Variants in UBAC2 observed in about 807,000 individuals in gnomAD.
The protein encoded by UBAC2 is UBA domain containing 2, also known as ubiquitin-associated domain-containing protein 2.
In UBAC2, 26 loss-of-function variants were observed where a neutral mutation model predicts 44.0. The ratio of observed to expected loss-of-function variants is 0.59; its 90% confidence interval spans 0.43 to 0.82. The LOEUF (loss-of-function observed/expected upper bound fraction) is 0.82, where lower values mean the gene tolerates loss of function less well. Among genes scored for constraint, UBAC2 ranks in the 40% least tolerant of loss-of-function variants. UBAC2 has a pLI of 0.00. For missense variants in UBAC2, 329 were observed against 419.4 expected (o/e 0.78, Z 1.88); for synonymous variants, 155 against 154.3 (o/e 1.00, Z -0.04).
chr13:99,240,865 C>G (rs2043291419), intron 2 of UBAC2, among the ~76,000 whole-genome samples: 1 of 152,296 alleles, frequency 6.6e-6, no homozygotes, highest in Non-Finnish European at 1.5e-5. Context: ...CAGGTTTTGA[C>G]AGTTGATATG....
chr13:99,230,658 T>A (rs1459819155), intron 1 of UBAC2, among the ~76,000 whole-genome samples: 1 of 152,190 alleles, frequency 6.6e-6, no homozygotes, highest in Non-Finnish European at 1.5e-5. Flanking sequence ...TCTTGACTCA[T>A]GACCCAATTT....
chr13:99,368,831 A>G (rs942282594), intron 8 of UBAC2, among the ~76,000 whole-genome samples: 1 of 152,110 alleles, frequency 6.6e-6, no homozygotes, highest in African/African-American at 2.4e-5. Context: ...CCTCCCCACT[A>G]AAAGGAACCA....
chr13:99,294,776 TAAAAC>T (rs897166265), intron 4 of UBAC2: 8 of 242,496 alleles, frequency 3.3e-5, no homozygotes, highest in Middle Eastern at 1.4e-3. Context: ...AATTTTTTAT[TAAAAC>T]AAAACTTTTT....
intron 5 of UBAC2, among the ~76,000 whole-genome samples, chr13:99,316,205 C>T (rs951509930): frequency 6.6e-6 from 1 of 151,964 alleles, no homozygotes; most frequent in African/African-American, 2.4e-5. Context: ...TTGATAAAAT[C>T]TAGGTCCTTA....
intron 7 of UBAC2, among the ~76,000 whole-genome samples, chr13:99,358,525 ATATT>A (rs1404268359): frequency 6.6e-6 from 1 of 152,240 alleles, no homozygotes; most frequent in Admixed American, 6.5e-5. Context: ...TCAAAAATCT[ATATT>A]TATGTTAGCA....
chr13:99,244,689 T>A (rs781547944), intron 4 of UBAC2, 65 bp downstream of exon 4: 15 of 969,974 alleles, frequency 1.5e-5, no homozygotes, highest in Non-Finnish European at 2.3e-5. Context: ...GTGTTATTAT[T>A]ATTATGTGAA....
Position 99,340,440 on chromosome 13 carries a change from A to T in UBAC2, c.682A>T (p.Thr228Ser). ...LEPIFSSSEP[T>S]SEARIGMGAT... ...ACCCATCTTCTCTTCTTCAGAACCC[A>T]CCAGCGAAGCCAGAATTGGGATGGG... Residue 228 changes from threonine (T) to serine (S), a missense_variant, in exon 7 of 9, where the codon ACC becomes TCC. Transcript: ENST00000403766. 6.2e-7 allele frequency: 1 copy of T among 1,614,184 alleles called. No homozygotes were observed. The highest frequency in any genetic ancestry group is 8.5e-7 in the Non-Finnish European group (1 of 1,180,042).
chr13:99,304,411 G>A lies in UBAC2; in HGVS notation c.390-9686G>A, dbSNP rs915319496. Among the ~76,000 whole-genome samples, 8 of 152,280 alleles carry A rather than the reference G, an allele frequency of 5.3e-5. No individual in the cohort carries two copies. In the South Asian group the frequency reaches 1.7e-3, roughly 32 times the overall value. On this transcript the variant is annotated intron_variant, in intron 4 of 8. Coordinates refer to ENST00000403766, the MANE Select transcript of UBAC2 (RefSeq NM_001144072.2). The stretch of plus-strand genomic sequence containing the variant: ...AGTGCTGTGCTCTGTCATAGTGTCT[G>A]CATCATTGATTTTCTTCCCTGTCTC...
At position 99,255,079 on chromosome 13, in the gene UBAC2, T is replaced by A. The variant is rs766951793; in HGVS notation, c.389+10455T>A. On this transcript the variant is annotated intron_variant, in intron 4 of 8. Transcript: ENST00000403766. Reference sequence around the variant, plus strand: ...GAAGGTGGTAAAGGCTCCCCAGGGATTGTAACTGTTCTCCCCCGTTCCCAG... The same window carrying A: ...GAAGGTGGTAAAGGCTCCCCAGGGAATGTAACTGTTCTCCCCCGTTCCCAG... The A allele has an allele frequency of 3.1e-6, 5 of 1,613,900 alleles. No individual in the cohort carries two copies. The highest frequency in any genetic ancestry group is 4.2e-6 in the Non-Finnish European group (5 of 1,180,012).
rs371195004 is a variant in UBAC2 at position 99,292,316 on chromosome 13, G to A, written c.390-21781G>A. On this transcript the variant is annotated intron_variant, in intron 4 of 8. Transcript: ENST00000403766. Reference sequence around the variant, plus strand: ...ACGCCCAGCTAATTTTTTTTTTTTTGTATTTTTAGTAGAGACCGGGTTTCA... The same window carrying A: ...ACGCCCAGCTAATTTTTTTTTTTTTATATTTTTAGTAGAGACCGGGTTTCA... Among the ~76,000 whole-genome samples, 20 of 138,562 alleles carry A rather than the reference G, an allele frequency of 1.4e-4. No individual in the cohort carries two copies. The East Asian group carries it at 1.8e-3, about 13-fold the overall frequency. 90.9% of individuals were successfully genotyped at this position (138,562 alleles called of 152,430 possible).
rs759649634 is a variant in UBAC2 at position 99,274,721 on chromosome 13, C to CT, written c.389+30111dup. 8.7e-3 allele frequency among the ~76,000 whole-genome samples: 1,162 copies of CT among 133,734 alleles called. 12 individuals are homozygous for CT. Among genetic ancestry groups the CT allele is most frequent in the South Asian group, 0.019 (81 of 4,188 alleles). The allele number at this position is 133,734 out of a possible 152,430, so 87.7% of individuals were successfully genotyped here. ...TGAATATCCTTTTTCCTTTTCTTTT[C>CT]TTTTTTTTTTTTTTGAGACAGGGTT... On this transcript the variant is annotated intron_variant, in intron 4 of 8. Coordinates refer to ENST00000403766, the MANE Select transcript of UBAC2 (RefSeq NM_001144072.2).
chr13:99,259,158 G>A (rs565974362), intron 4 of UBAC2, among the ~76,000 whole-genome samples: 2 of 152,198 alleles, frequency 1.3e-5, no homozygotes, highest in South Asian at 4.1e-4. Flanking sequence ...GCAACGAATC[G>A]CTGCCTGCCT....
intron 8 of UBAC2, among the ~76,000 whole-genome samples, chr13:99,383,749 C>CT (rs929316747): frequency 1.3e-5 from 2 of 152,222 alleles, no homozygotes; most frequent in African/African-American, 2.4e-5. Context: ...CGGCACCCCC[C>CT]GTTTGGAAAA....
intron 1 of UBAC2, among the ~76,000 whole-genome samples, chr13:99,227,494 G>C (rs1301032253): frequency 6.6e-6 from 1 of 152,246 alleles, no homozygotes; most frequent in Non-Finnish European, 1.5e-5. Flanking sequence ...GCCAGAGCAA[G>C]TCACACTGCC....
chr13:99,274,302 G>T (rs1325782351), intron 4 of UBAC2, among the ~76,000 whole-genome samples: 1 of 151,240 alleles, frequency 6.6e-6, no homozygotes, highest in Admixed American at 6.6e-5. Flanking sequence ...ATAGTATTTT[G>T]GTGTGTGAAT....
At chr13:99,239,128 C>G (rs11618948) in intron 2 of UBAC2, among the ~76,000 whole-genome samples, 26,376 of 152,146 alleles carry the variant, frequency 0.17, 2,519 homozygotes, top group Middle Eastern at 0.23. Context: ...ATGACTGCTA[C>G]CCTTTCTTTG....
chr13:99,232,901 C>A (rs1051853425), intron 1 of UBAC2, among the ~76,000 whole-genome samples: 1 of 152,054 alleles, frequency 6.6e-6, no homozygotes, highest in East Asian at 1.9e-4. Context: ...GAGATCACGC[C>A]ACTGCACTCT....
chr13:99,364,288 C>A (rs2045302873), intron 7 of UBAC2, among the ~76,000 whole-genome samples: 1 of 150,830 alleles, frequency 6.6e-6, no homozygotes, highest in Admixed American at 6.6e-5. Context: ...TTTTCTCCTT[C>A]AAACTGTTAA....
chr13:99,347,117 T>C (rs1417829894), intron 7 of UBAC2, among the ~76,000 whole-genome samples: 8 of 124,160 alleles, frequency 6.4e-5, no homozygotes, highest in Non-Finnish European at 9.7e-5. Context: ...CATCTCTATT[T>C]AAAGAAAAAA....
Sources: gnomAD v4.1 joint callset for allele counts (sites outside exome capture counted in the v4.1 genomes callset) on GRCh38, gnomAD v4.1.1 for gene constraint, MANE v1.5 for transcripts, NCBI Gene and HGNC (gene_info 2026-07-23, HGNC 2026-07-21) for gene names.